ABCB11: variants seen among roughly 807,000 people sequenced by gnomAD.
The protein encoded by ABCB11 is ATP binding cassette subfamily B member 11, also known as bile salt export pump.
In ABCB11, 95 loss-of-function variants were observed where a neutral mutation model predicts 148.0. The ratio of observed to expected loss-of-function variants is 0.64; its 90% CI spans 0.54 to 0.76. The LOEUF is 0.76. Among genes scored for constraint, ABCB11 ranks in the 30% least tolerant of loss-of-function variants. The pLI, the probability that ABCB11 is intolerant of heterozygous loss-of-function variation, is 0.00. For missense variants in ABCB11, 1,523 were observed against 1,617.8 expected (o/e 0.94, Z 1.01); for synonymous variants, 591 against 555.4 (o/e 1.06, Z -0.90).
At chr2:169,015,536 C>G (rs1695327294) in intron 3 of ABCB11, among the ~76,000 whole-genome samples, 1 of 152,106 alleles carries the variant, frequency 6.6e-6, no homozygotes, top group African/African-American at 2.4e-5. Flanking sequence ...GTGCGGGCAC[C>G]TGCTACTCCT....
chr2:168,989,791 C>T (rs1283358339), intron 9 of ABCB11, among the ~76,000 whole-genome samples: 2 of 151,856 alleles, frequency 1.3e-5, no homozygotes, highest in Admixed American at 6.6e-5. Context: ...CTTTTTATAC[C>T]TAATTTGTTG....
chr2:168,963,111 G>C (rs544152103), intron 18 of ABCB11, among the ~76,000 whole-genome samples: 5 of 151,674 alleles, frequency 3.3e-5, no homozygotes, highest in Admixed American at 2.0e-4. Flanking sequence ...TTTTATTTAA[G>C]ACAATTTGAA....
intron 21 of ABCB11, among the ~76,000 whole-genome samples, chr2:168,940,586 T>C (rs1441355957): frequency 6.6e-6 from 1 of 152,114 alleles, no homozygotes; most frequent in African/African-American, 2.4e-5. Flanking sequence ...GAAGCAGCAG[T>C]GCTAATGTAG....
intron 21 of ABCB11, among the ~76,000 whole-genome samples, chr2:168,941,140 T>C (rs1015807668): frequency 6.6e-6 from 1 of 152,012 alleles, no homozygotes; most frequent in Non-Finnish European, 1.5e-5. Flanking sequence ...GAAGTCTTTT[T>C]ATTTAAGAAG....
At position 169,013,409 on chromosome 2, in the gene ABCB11, G is replaced by A. The variant is rs1394744569; in HGVS notation, c.252C>T (p.Gly84=). The A allele has an allele frequency of 1.9e-6, 3 of 1,613,710 alleles. No individual in the cohort carries two copies. Among genetic ancestry groups the A allele is most frequent in the Non-Finnish European group, 2.5e-6 (3 of 1,179,762 alleles). ...AGTCAATAAAAACATCTGTCATTGT[G>A]CCAAAAATGAGTAGCACGCCTGGCT... ...IAQPGVLLIF[G]TMTDVFIDYD... The change falls in exon 5 of 28, where the codon GGC becomes GGT. Residue 84 remains glycine, a synonymous_variant. Coordinates refer to ENST00000650372, the MANE Select transcript of ABCB11 (RefSeq NM_003742.4).
chr2:168,979,248 G>T (rs1258900437), intron 11 of ABCB11, among the ~76,000 whole-genome samples: 1 of 151,726 alleles, frequency 6.6e-6, no homozygotes, highest in Non-Finnish European at 1.5e-5. Context: ...TCCAACTTGG[G>T]GGCCTCTCTT....
Position 169,013,297 on chromosome 2 carries a change from T to A in ABCB11, c.364A>T (p.Asn122Tyr). 6.2e-7 allele frequency: 1 copy of A among 1,613,092 alleles called. No homozygotes were observed. Among genetic ancestry groups the A allele is most frequent in the Non-Finnish European group, 8.5e-7 (1 of 1,179,292 alleles). The change falls in exon 5 of 28, where the codon AAC (asparagine) becomes TAC (tyrosine). Residue 122 changes from asparagine to tyrosine, a missense_variant. Asn to Tyr is a moderately radical substitution (Grantham distance 143). Transcript: ENST00000650372. Reference sequence around the variant, plus strand: ...CCACAACGTGTTCCATTTGTCATGTTCTGGTTGAGGGAACTGTTAGTCCAT... The same window carrying A: ...CCACAACGTGTTCCATTTGTCATGTACTGGTTGAGGGAACTGTTAGTCCAT... ...IVWTNSSLNQ[N>Y]MTNGTRCGLL...
downstream of ABCB11, among the ~76,000 whole-genome samples, chr2:168,919,192 A>T (rs1383178447): frequency 1.3e-5 from 2 of 151,876 alleles, no homozygotes; most frequent in Non-Finnish European, 2.9e-5. Context: ...TTAGATCAGT[A>T]TTAAGCTTTT....
chr2:168,978,132 C>CTTTTTTTT, intron 11 of ABCB11, among the ~76,000 whole-genome samples: 1 of 53,114 alleles, frequency 1.9e-5, no homozygotes, highest in Non-Finnish European at 3.5e-5. Flanking sequence ...AATAAATTGA[C>CTTTTTTTT]TTTTTTTTTT....
At position 168,991,442 on chromosome 2, in the gene ABCB11, G is replaced by T. The variant is rs1694518860; in HGVS notation, c.784-517C>A. ...TGGAGACGCTCAACTATGTAGTTTT[G>T]ATTTTTACAAAAGGAAATGAAAAGA... is the stretch of plus-strand genomic sequence containing the variant. On this transcript the variant is annotated intron_variant, in intron 8 of 27. Transcript: ENST00000650372. 3.9e-5 allele frequency among the ~76,000 whole-genome samples: 6 copies of T among 152,136 alleles called. No homozygotes were observed. The South Asian group carries it at 1.0e-3, about 26-fold the overall frequency.
chr2:168,915,922 C>A (rs147034669), downstream of ABCB11, among the ~76,000 whole-genome samples: 71 of 152,292 alleles, frequency 4.7e-4, no homozygotes, highest in East Asian at 0.013. Flanking sequence ...AGAGACAACA[C>A]CTGCCATAGT....
rs577963950 is a variant in ABCB11 at position 168,992,350 on chromosome 2, T to C, written c.783+1361A>G. Reference sequence around the variant, plus strand: ...CTCCAACATGTTGAAATGTGGCCTATGATCCACGTGAGTGTGTATATTACT... The same window carrying C: ...CTCCAACATGTTGAAATGTGGCCTACGATCCACGTGAGTGTGTATATTACT... On this transcript the variant is annotated intron_variant, in intron 8 of 27. Coordinates refer to ENST00000650372, the MANE Select transcript of ABCB11 (RefSeq NM_003742.4). Among the ~76,000 whole-genome samples the C allele has an allele frequency of 6.6e-5, 10 of 152,174 alleles. 1 individual carries two copies. The South Asian group carries it at 2.1e-3, about 32-fold the overall frequency.
At chr2:168,941,921 C>T (rs530477217) in intron 21 of ABCB11, among the ~76,000 whole-genome samples, 1 of 151,936 alleles carries the variant, frequency 6.6e-6, no homozygotes, top group African/African-American at 2.4e-5. Context: ...TTTATATGCA[C>T]TAGGAAGTGA....
At chr2:169,009,095 G>A (rs1319458750) in intron 5 of ABCB11, among the ~76,000 whole-genome samples, 4 of 152,190 alleles carry the variant, frequency 2.6e-5, no homozygotes, top group Non-Finnish European at 5.9e-5. Flanking sequence ...AAGCAGATTA[G>A]TGTTGCCTAG....
At position 168,923,799 on chromosome 2, in the gene ABCB11, T is replaced by C; in HGVS notation, c.3789A>G (p.Lys1263=). The C allele has an allele frequency of 6.2e-7, 1 of 1,613,942 alleles. No individual in the cohort carries two copies. The highest frequency in any genetic ancestry group is 8.5e-7 in the Non-Finnish European group (1 of 1,179,870). The stretch of plus-strand genomic sequence containing the variant: ...CAATGCAGGTCCGACCCTCTCTGGC[T>C]TTGTCTAGAGCAACCTGCACCGTCT... ...SEKTVQVALD[K]AREGRTCIVI... Residue 1263 remains lysine, a synonymous_variant, in exon 28 of 28, where the codon AAA becomes AAG. Coordinates refer to ENST00000650372, the MANE Select transcript of ABCB11 (RefSeq NM_003742.4).
intron 3 of ABCB11, 86 bp from the exon 4 acceptor site, chr2:169,014,440 C>T (rs1313454161): frequency 1.5e-6 from 2 of 1,308,028 alleles, no homozygotes; most frequent in Admixed American, 2.0e-5. Flanking sequence ...ATGAGTTATT[C>T]TTTAGTAAGA....
At chr2:168,976,989 C>T (rs28719023) in intron 11 of ABCB11, among the ~76,000 whole-genome samples, 5 of 148,712 alleles carry the variant, frequency 3.4e-5, no homozygotes, top group African/African-American at 1.2e-4. Flanking sequence ...ACTTCTTGAG[C>T]TATTACTGAG....
At chr2:168,968,848 T>G (rs1270728892) in intron 16 of ABCB11, among the ~76,000 whole-genome samples, 1 of 151,810 alleles carries the variant, frequency 6.6e-6, no homozygotes, top group Non-Finnish European at 1.5e-5. Context: ...ATAACCCTCC[T>G]ATGTTAAATG....
At chr2:169,030,048 C>G (rs905855348) in intron 1 of ABCB11, among the ~76,000 whole-genome samples, 1 of 152,088 alleles carries the variant, frequency 6.6e-6, no homozygotes, top group African/African-American at 2.4e-5. Flanking sequence ...CCAGTTCTTT[C>G]CTCTTGACCA....
Sources: gnomAD v4.1 joint callset for allele counts (sites outside exome capture counted in the v4.1 genomes callset) on GRCh38, gnomAD v4.1.1 for gene constraint, MANE v1.5 for transcripts, NCBI Gene and HGNC (gene_info 2026-07-23, HGNC 2026-07-21) for gene names.